Variants in SLC24A3 observed in about 807,000 individuals in gnomAD.
SLC24A3 encodes sodium/potassium/calcium exchanger 3.
A neutral mutation model predicts 75.8 loss-of-function variants in SLC24A3; 28 were observed. That is an observed-to-expected ratio of 0.37 (90% CI 0.27 to 0.51). The LOEUF (loss-of-function observed/expected upper bound fraction) is 0.51. SLC24A3 is among the 20% of genes least tolerant of loss of function. The pLI, the probability that SLC24A3 is intolerant of heterozygous loss-of-function variation, is 0.94. For synonymous variants in SLC24A3, 372 were observed against 334.1 expected, an observed-to-expected ratio of 1.11 and a Z score of -1.24; for missense variants, 663 against 847.8, an observed-to-expected ratio of 0.78 and a Z score of 2.71.
intron 2 of SLC24A3, among the ~76,000 whole-genome samples, chr20:19,489,135 T>G (rs1988170122): frequency 6.6e-6 from 1 of 152,162 alleles, no homozygotes; most frequent in African/African-American, 2.4e-5. Context: ...ATCTATACAT[T>G]CAGAACTCCT....
At chr20:19,328,931 C>T (rs904679015) in intron 2 of SLC24A3, among the ~76,000 whole-genome samples, 4 of 152,218 alleles carry the variant, frequency 2.6e-5, no homozygotes, top group South Asian at 2.1e-4. Context: ...AGAGGAGGCT[C>T]GGAGGAGCAG....
intron 2 of SLC24A3, among the ~76,000 whole-genome samples, chr20:19,301,902 T>A (rs1483849132): frequency 8.5e-5 from 13 of 152,246 alleles, no homozygotes; most frequent in Admixed American, 8.5e-4. Flanking sequence ...TTATTTCAGA[T>A]GCAAACCCAG....
chr20:19,499,821 C>CTACA (rs546827402), intron 2 of SLC24A3, among the ~76,000 whole-genome samples: 156 of 152,198 alleles, frequency 1.0e-3, no homozygotes, highest in African/African-American at 3.1e-3. Flanking sequence ...CACATGGATG[C>CTACA]TACATACATA....
Position 19,721,223 on chromosome 20 carries a change from C to T in SLC24A3, c.*83C>T, listed in dbSNP as rs113209531. 0.054 allele frequency: 84,116 copies of T among 1,548,494 alleles called. 2,684 individuals carry two copies. The highest frequency in any genetic ancestry group is 0.11 in the Middle Eastern group (599 of 5,574). On this transcript the variant is annotated 3_prime_UTR_variant, in exon 17 of 17. Transcript: ENST00000328041. ...CCGCACCCCGAGTCACACAGGCCCC[C>T]GGGGCCACGGCGTTCGTCTCTCCTG...
At chr20:19,492,374 G>A (rs1275789298) in intron 2 of SLC24A3, among the ~76,000 whole-genome samples, 3 of 152,166 alleles carry the variant, frequency 2.0e-5, no homozygotes, top group Non-Finnish European at 4.4e-5. Context: ...CCACATCTGT[G>A]CAATGGTGAC....
chr20:19,633,061 A>C (rs1168937177), intron 6 of SLC24A3, among the ~76,000 whole-genome samples: 1 of 152,222 alleles, frequency 6.6e-6, no homozygotes, highest in Non-Finnish European at 1.5e-5. Context: ...GCATGTGCAG[A>C]TTTATCAGTT....
chr20:19,283,849 C>G (rs542606439), intron 2 of SLC24A3, among the ~76,000 whole-genome samples: 90 of 152,264 alleles, frequency 5.9e-4, no homozygotes, highest in African/African-American at 2.1e-3. Context: ...AATTTCCCAC[C>G]CTCTGTCCTG....
intron 15 of SLC24A3, among the ~76,000 whole-genome samples, chr20:19,707,502 G>T (rs577967427): frequency 6.6e-6 from 1 of 152,180 alleles, no homozygotes; most frequent in Non-Finnish European, 1.5e-5. Context: ...CTACGATTGA[G>T]GATTTTAGCA....
At chr20:19,442,271 G>A (rs993005636) in intron 2 of SLC24A3, among the ~76,000 whole-genome samples, 3 of 152,154 alleles carry the variant, frequency 2.0e-5, no homozygotes, top group Non-Finnish European at 4.4e-5. Flanking sequence ...GCCTAGTTTT[G>A]TAATAATCTG....
intron 9 of SLC24A3, among the ~76,000 whole-genome samples, chr20:19,677,512 A>C (rs192850052): frequency 6.6e-6 from 1 of 151,856 alleles, no homozygotes; most frequent in Admixed American, 6.6e-5. Context: ...TGCATTCGTC[A>C]CCACCCCCAG....
Position 19,383,625 on chromosome 20 carries a change from G to A in SLC24A3, c.271+102538G>A, listed in dbSNP as rs566295758. On this transcript the variant is annotated intron_variant, in intron 2 of 16. Transcript: ENST00000328041. ...AATTGCCATGGTGTGTGATTTATCT[G>A]TTCCACTTTTGTCTTGGTCAGTTGG... Among the ~76,000 whole-genome samples the A allele has an allele frequency of 1.1e-3, 171 of 152,250 alleles. 1 individual carries two copies. In the Middle Eastern group the frequency reaches 0.034, roughly 30 times the overall value.
intron 2 of SLC24A3, among the ~76,000 whole-genome samples, chr20:19,328,764 G>A (rs1008782237): frequency 5.3e-5 from 8 of 152,240 alleles, no homozygotes; most frequent in Admixed American, 3.3e-4. Flanking sequence ...TGCATCTGGA[G>A]TTCAGGCTGC....
chr20:19,387,171 C>A (rs1348435806), intron 2 of SLC24A3, among the ~76,000 whole-genome samples: 3 of 152,004 alleles, frequency 2.0e-5, no homozygotes, highest in Non-Finnish European at 4.4e-5. Flanking sequence ...CTTAGTATTT[C>A]TGTAGAATCT....
intron 3 of SLC24A3, among the ~76,000 whole-genome samples, chr20:19,532,632 T>C (rs2030323245): frequency 6.6e-6 from 1 of 152,186 alleles, no homozygotes; most frequent in South Asian, 2.1e-4. Context: ...GTCTGCAGAA[T>C]GGGGAGCTCA....
In SLC24A3 at chr20:19,585,293, C is replaced by A. The variant is rs573105203; in HGVS notation, c.509-148C>A. Reference sequence around the variant, plus strand: ...CATCACACTCCTGTGCAGCTATCATCCCTCTGTAGATTAGAAAGCTCTCTC... The same window carrying A: ...CATCACACTCCTGTGCAGCTATCATACCTCTGTAGATTAGAAAGCTCTCTC... On this transcript the variant is annotated intron_variant, in intron 5 of 16. Transcript: ENST00000328041. 3 of 784,914 alleles carry A rather than the reference C, an allele frequency of 3.8e-6. No individual in the cohort carries two copies. In the African/African-American group the frequency reaches 5.2e-5, roughly 14 times the overall value. The allele number at this position is 784,914 out of a possible 1,614,324, so 48.6% of individuals were successfully genotyped here.
At chr20:19,699,959 A>G (rs1306766884) in intron 15 of SLC24A3, among the ~76,000 whole-genome samples, 2 of 152,192 alleles carry the variant, frequency 1.3e-5, no homozygotes, top group Non-Finnish European at 2.9e-5. Flanking sequence ...AAATTGGTAC[A>G]GCATGGCCTA....
intron 2 of SLC24A3, among the ~76,000 whole-genome samples, chr20:19,477,613 C>A (rs1485823163): frequency 6.6e-6 from 1 of 152,148 alleles, no homozygotes; most frequent in Non-Finnish European, 1.5e-5. Flanking sequence ...CTTGGATAGG[C>A]AGAGAGTTTT....
intron 2 of SLC24A3, among the ~76,000 whole-genome samples, chr20:19,493,777 T>TGAGAGC (rs1988239678): frequency 6.6e-6 from 1 of 152,162 alleles, no homozygotes; most frequent in African/African-American, 2.4e-5. Flanking sequence ...AATGGCCAGT[T>TGAGAGC]CATCCCCTTC....
intron 3 of SLC24A3, among the ~76,000 whole-genome samples, chr20:19,548,337 A>C (rs1030641652): frequency 6.6e-6 from 1 of 152,198 alleles, no homozygotes; most frequent in Non-Finnish European, 1.5e-5. Flanking sequence ...GCCCTGGAAA[A>C]TCTGTCATTA....
Sources: gnomAD v4.1 joint callset for allele counts (sites outside exome capture counted in the v4.1 genomes callset) on GRCh38, gnomAD v4.1.1 for gene constraint, MANE v1.5 for transcripts, NCBI Gene and HGNC (gene_info 2026-07-23, HGNC 2026-07-21) for gene names.